PLCG2: variants seen among roughly 807,000 people sequenced by gnomAD.
PLCG2 encodes 1-phosphatidylinositol 4,5-bisphosphate phosphodiesterase gamma-2.
Under a neutral mutation model 175.6 loss-of-function variants are expected in PLCG2, and 69 were observed. The ratio of observed to expected loss-of-function variants is 0.39; its 90% confidence interval spans 0.32 to 0.48. PLCG2 has a LOEUF of 0.48. PLCG2 is among the 20% of genes least tolerant of loss of function. The pLI is 0.91. For synonymous variants in PLCG2, 827 were observed against 624.0 expected (o/e 1.33, Z -4.85); for missense variants, 1,798 against 1,650.9 (o/e 1.09, Z -1.54).
intron 2 of PLCG2, chr16:81,798,833 C>G (rs917970561): frequency 6.6e-6 from 1 of 152,352 alleles, no homozygotes; most frequent in Non-Finnish European, 1.5e-5. Context: ...TCCCCGGCCT[C>G]AGGACTTCAG....
chr16:81,869,901 G>A (rs1907432173), intron 6 of PLCG2, among the ~76,000 whole-genome samples: 1 of 152,096 alleles, frequency 6.6e-6, no homozygotes, highest in Non-Finnish European at 1.5e-5. Context: ...TTGCTTACAG[G>A]GAAATACTCA....
chr16:81,894,155 A>G (rs1829071157), intron 12 of PLCG2, among the ~76,000 whole-genome samples: 1 of 152,050 alleles, frequency 6.6e-6, no homozygotes, highest in African/African-American at 2.4e-5. Context: ...AGGGCTGGAT[A>G]TGGTGGCTCA....
At chr16:81,856,127 C>G (rs571391283) in intron 3 of PLCG2, among the ~76,000 whole-genome samples, 5 of 152,344 alleles carry the variant, frequency 3.3e-5, no homozygotes, top group African/African-American at 1.2e-4. Context: ...TTTTGATTCA[C>G]ATTCCATCTT....
At chr16:81,760,492 G>A (rs1376738903) in intron 2 of PLCG2, among the ~76,000 whole-genome samples, 1 of 152,174 alleles carries the variant, frequency 6.6e-6, no homozygotes, top group Non-Finnish European at 1.5e-5. Flanking sequence ...CAAGCTGCAA[G>A]GGAGTGTGGG....
At position 81,960,532 on chromosome 16, in the gene PLCG2, A is replaced by G. The variant is rs972645415; in HGVS notation, c.*2534A>G. The G allele has an allele frequency of 4.3e-6, 1 of 231,356 alleles. No individual in the cohort carries two copies. Among genetic ancestry groups the G allele is most frequent in the African/African-American group, 2.2e-5 (1 of 45,258 alleles). 14.3% of individuals were successfully genotyped at this position (231,356 alleles called of 1,614,324 possible). A position where few individuals can be genotyped will look rare whatever the true frequency, so the allele number is the denominator to read the frequency against. The stretch of plus-strand genomic sequence containing the variant: ...TAGGCCTTGTGAGTTTGGGAAACTT[A>G]GGTTATAAAAACTAAATAAAGTTTT... On this transcript the variant is annotated 3_prime_UTR_variant, in exon 33 of 33. Transcript: ENST00000564138.
rs1193653015 is a variant in PLCG2 at position 81,828,793 on chromosome 16, C to T, written c.194-25651C>T. 3.9e-5 allele frequency among the ~76,000 whole-genome samples: 6 copies of T among 152,160 alleles called. No individual in the cohort carries two copies. The South Asian group carries it at 6.2e-4, about 16-fold the overall frequency. The stretch of plus-strand genomic sequence containing the variant: ...CATTTTCCTGAGTGCCTGGTGAAGT[C>T]GGGTACATAGAAGGTTTCAACAAAT... On this transcript the variant is annotated intron_variant, in intron 2 of 32. Coordinates refer to ENST00000564138, the MANE Select transcript of PLCG2 (RefSeq NM_002661.5).
chr16:81,769,582 A>C (rs1910228451), intron 2 of PLCG2, among the ~76,000 whole-genome samples: 1 of 152,084 alleles, frequency 6.6e-6, no homozygotes, highest in Non-Finnish European at 1.5e-5. Flanking sequence ...TGGGAGGCCG[A>C]GGCGGGCGGA....
intron 2 of PLCG2, among the ~76,000 whole-genome samples, chr16:81,791,026 G>A (rs188650402): frequency 3.9e-4 from 60 of 152,260 alleles, no homozygotes; most frequent in African/African-American, 1.3e-3. Flanking sequence ...GGTAAAATAG[G>A]GTTTTGCTCT....
chr16:81,761,618 T>C (rs1015903344), intron 2 of PLCG2, among the ~76,000 whole-genome samples: 1 of 152,108 alleles, frequency 6.6e-6, no homozygotes, highest in African/African-American at 2.4e-5. Context: ...GGGATCAAAA[T>C]AGAACACCCC....
At chr16:81,780,014 G>C (rs1006246991) in intron 1 of PLCG2, among the ~76,000 whole-genome samples, 1 of 152,194 alleles carries the variant, frequency 6.6e-6, no homozygotes, top group African/African-American at 2.4e-5. Flanking sequence ...ATCCCAAAGA[G>C]GGCATTACCC....
chr16:81,839,790 C>T (rs1202421853), intron 2 of PLCG2, among the ~76,000 whole-genome samples: 1 of 152,210 alleles, frequency 6.6e-6, no homozygotes, highest in Non-Finnish European at 1.5e-5. Flanking sequence ...GTGGCTCATG[C>T]CTGTAATCCC....
At chr16:81,817,443 G>A (rs534948918) in intron 2 of PLCG2, among the ~76,000 whole-genome samples, 5 of 152,208 alleles carry the variant, frequency 3.3e-5, no homozygotes, top group Non-Finnish European at 7.3e-5. Flanking sequence ...TGTTGCGCAC[G>A]CTGGAGTGCA....
At chr16:81,877,253 G>A (rs1436546557) in intron 7 of PLCG2, among the ~76,000 whole-genome samples, 1 of 152,216 alleles carries the variant, frequency 6.6e-6, no homozygotes, top group Non-Finnish European at 1.5e-5. Flanking sequence ...AGGAGATCGA[G>A]ACCATCCTGG....
intron 9 of PLCG2, among the ~76,000 whole-genome samples, chr16:81,888,688 G>A (rs1270345871): frequency 6.6e-6 from 1 of 152,190 alleles, no homozygotes; most frequent in African/African-American, 2.4e-5. Flanking sequence ...GGTGGAATGA[G>A]ATGCCAACCC....
At chr16:81,933,918 T>C (rs1455979762) in intron 25 of PLCG2, among the ~76,000 whole-genome samples, 1 of 152,226 alleles carries the variant, frequency 6.6e-6, no homozygotes, top group African/African-American at 2.4e-5. Flanking sequence ...CCATGGCACA[T>C]GGCCTGGGCA....
At chr16:81,756,966 C>G (rs989741806) in intron 2 of PLCG2, among the ~76,000 whole-genome samples, 2 of 152,150 alleles carry the variant, frequency 1.3e-5, no homozygotes, top group Non-Finnish European at 2.9e-5. Flanking sequence ...GTGGTTCCTA[C>G]TTGCTGCTAC....
At chr16:81,892,125 G>A (rs2143604415) in intron 11 of PLCG2, among the ~76,000 whole-genome samples, 1 of 152,338 alleles carries the variant, frequency 6.6e-6, no homozygotes, top group South Asian at 2.1e-4. Context: ...CAGAGGAGCA[G>A]CATGTGCCAA....
chr16:81,853,936 T>C (rs4072683), intron 2 of PLCG2, among the ~76,000 whole-genome samples: 32,367 of 152,022 alleles, frequency 0.21, 3,463 homozygotes, highest in African/African-American at 0.23. Flanking sequence ...TTAATTTGAA[T>C]CAGTTAGTGC....
chr16:81,852,813 C>T (rs1906484867), intron 2 of PLCG2, among the ~76,000 whole-genome samples: 1 of 152,158 alleles, frequency 6.6e-6, no homozygotes, highest in Non-Finnish European at 1.5e-5. Flanking sequence ...TGGGGCAGCT[C>T]ACTGGGGCCA....
Sources: allele counts gnomAD v4.1 joint callset (sites outside exome capture counted in the v4.1 genomes callset), GRCh38; gene constraint gnomAD v4.1.1; transcripts MANE v1.5; gene names NCBI Gene and HGNC (gene_info 2026-07-23, HGNC 2026-07-21).